Variants in PLEKHA6 observed in about 807,000 individuals in gnomAD.
The protein encoded by PLEKHA6 is pleckstrin homology domain containing A6, also known as pleckstrin homology domain-containing family A member 6.
Under a neutral mutation model 116.7 loss-of-function variants are expected in PLEKHA6, and 60 were observed. That is an observed-to-expected ratio of 0.51 (90% CI 0.42 to 0.64). PLEKHA6 has a LOEUF of 0.64. Ranked by LOEUF, PLEKHA6 falls within the 30% of genes least tolerant of loss-of-function variation. The pLI is 0.00. For synonymous variants in PLEKHA6, 489 were observed against 556.1 expected (o/e 0.88, Z 1.70); for missense variants, 1,338 against 1,422.7 (o/e 0.94, Z 0.96).
chr1:204,290,401 G>C (rs552329299), intron 1 of PLEKHA6, among the ~76,000 whole-genome samples: 7 of 152,304 alleles, frequency 4.6e-5, no homozygotes, highest in African/African-American at 1.7e-4. Flanking sequence ...ATTGGTTTTT[G>C]ACAAAGGTAT....
At chr1:204,350,149 G>A (rs66506103) in intron 1 of PLEKHA6, among the ~76,000 whole-genome samples, 18,371 of 152,092 alleles carry the variant, frequency 0.12, 2,721 homozygotes, top group African/African-American at 0.35. Context: ...TGGTGAAACC[G>A]TCTCTACCAA....
chr1:204,297,641 C>T (rs1345231751), intron 1 of PLEKHA6, among the ~76,000 whole-genome samples: 1 of 152,122 alleles, frequency 6.6e-6, no homozygotes, highest in Non-Finnish European at 1.5e-5. Flanking sequence ...GTTTCTACTT[C>T]ATAGGATTTA....
At chr1:204,375,657 C>T (rs1471811245) in intron 1 of PLEKHA6, among the ~76,000 whole-genome samples, 1 of 152,096 alleles carries the variant, frequency 6.6e-6, no homozygotes, top group African/African-American at 2.4e-5. Context: ...AGACAAGGCT[C>T]TAAACACAGA....
chr1:204,327,194 C>A (rs1427886282), intron 1 of PLEKHA6, among the ~76,000 whole-genome samples: 1 of 152,240 alleles, frequency 6.6e-6, no homozygotes, highest in African/African-American at 2.4e-5. Flanking sequence ...TACAGTATTT[C>A]ATTTTGTTCA....
At chr1:204,273,315 A>T (rs1050391622) in intron 3 of PLEKHA6, among the ~76,000 whole-genome samples, 1 of 152,224 alleles carries the variant, frequency 6.6e-6, no homozygotes, top group African/African-American at 2.4e-5. Flanking sequence ...TTTAGTGGGC[A>T]GAGGCCAGGG....
chr1:204,362,999 CCTT>C (rs1464194608), upstream of PLEKHA6, among the ~76,000 whole-genome samples: 1 of 152,218 alleles, frequency 6.6e-6, no homozygotes, highest in Non-Finnish European at 1.5e-5. Context: ...TCGGCCGCCT[CCTT>C]CTTTACTGTT....
chr1:204,257,631 C>T lies in PLEKHA6; in HGVS notation c.1246G>A (p.Gly416Arg), dbSNP rs776981802. Residue 416 changes from glycine to arginine, a missense_variant, in exon 9 of 23, where the codon GGG becomes AGG. By Grantham distance (125) the Gly-to-Arg change is moderately radical. Coordinates refer to ENST00000272203, the MANE Select transcript of PLEKHA6 (RefSeq NM_014935.5). The surrounding 1 kb of genome is among the most constrained non-coding windows in gnomAD (Gnocchi z 6.5). ...ATCCAGACGGTGGCATCCTGCCGCC[C>T]GTAGCTGGCGGGCTCCTTCCACTCT... ...LREWKEPASY[G>R]RQDATVWIPS... 43 of 1,609,260 alleles carry T rather than the reference C, an allele frequency of 2.7e-5. No homozygotes were observed. The highest frequency in any genetic ancestry group is 3.4e-5 in the Non-Finnish European group (40 of 1,178,184).
chr1:204,280,160 T>C, intron 1 of PLEKHA6: 2 of 266,018 alleles, frequency 7.5e-6, no homozygotes, highest in Non-Finnish European at 1.2e-5. Flanking sequence ...TGCACCTATT[T>C]AAAGCTTTCC....
chr1:204,306,033 G>A (rs1671267097), intron 1 of PLEKHA6, among the ~76,000 whole-genome samples: 1 of 152,108 alleles, frequency 6.6e-6, no homozygotes, highest in Non-Finnish European at 1.5e-5. Context: ...CTGCAGCTTT[G>A]GAATGTGTCA....
chr1:204,258,904 G>C (rs1439153523), intron 8 of PLEKHA6, among the ~76,000 whole-genome samples: 1 of 152,230 alleles, frequency 6.6e-6, no homozygotes, highest in Non-Finnish European at 1.5e-5. Context: ...TGTTGTAGGA[G>C]GGCCCATAGC....
intron 1 of PLEKHA6, among the ~76,000 whole-genome samples, chr1:204,372,270 G>A (rs1572238668): frequency 1.3e-5 from 2 of 152,098 alleles, no homozygotes; most frequent in South Asian, 2.1e-4. Context: ...ATCTGTCCCC[G>A]ACAAAACTCT....
At chr1:204,318,826 T>G (rs1377075388) in intron 1 of PLEKHA6, among the ~76,000 whole-genome samples, 1 of 152,240 alleles carries the variant, frequency 6.6e-6, no homozygotes, top group Non-Finnish European at 1.5e-5. Flanking sequence ...GGGTTGTTTC[T>G]GAGCACGTCT....
At chr1:204,287,123 A>G (rs1669276866) in intron 1 of PLEKHA6, among the ~76,000 whole-genome samples, 2 of 151,944 alleles carry the variant, frequency 1.3e-5, no homozygotes, top group South Asian at 4.2e-4. Flanking sequence ...TAGCATCACT[A>G]TGTCATCGAA....
At chr1:204,275,429 G>A (rs1667897564) in intron 1 of PLEKHA6, among the ~76,000 whole-genome samples, 1 of 152,224 alleles carries the variant, frequency 6.6e-6, no homozygotes, top group African/African-American at 2.4e-5. Context: ...ATGAAGGTCA[G>A]TGCTGGCTCA....
rs932308605 is a variant in PLEKHA6, at chr1:204,233,742, C to T, written c.2410-3156G>A. Among the ~76,000 whole-genome samples the T allele has an allele frequency of 4.6e-5, 7 of 152,196 alleles. No individual in the cohort carries two copies. In the South Asian group the frequency reaches 1.2e-3, roughly 27 times the overall value. On this transcript the variant is annotated intron_variant, in intron 17 of 22. Coordinates refer to ENST00000272203, the MANE Select transcript of PLEKHA6 (RefSeq NM_014935.5). ...GGGACTACAGGCGTGAACCACTGCA[C>T]CTGGCCAATTAATTTGTTTTCTAGT... is the stretch of plus-strand genomic sequence containing the variant.
In PLEKHA6 at chr1:204,228,793, G is replaced by C; in HGVS notation, c.2820C>G (p.Ser940Arg). ...TCTGCTTCTCCTTCAACTCCTCAGG[G>C]CTCAGGGGAGTGTCAGGCTCCAGGT... ...YIDLEPDTPLSPEELKEKQKK... is the reference protein window; with the variant it reads ...YIDLEPDTPLRPEELKEKQKK... Residue 940 changes from serine (S) to arginine (R), a missense_variant, in exon 20 of 23, where the codon AGC (serine) becomes AGG (arginine). Around this residue, in one of 3 missense-constraint regions of PLEKHA6, gnomAD observed 1,136 missense variants for 1,163.6 expected, o/e 0.98. Transcript: ENST00000272203. This position sits in a 1 kb window ranked among gnomAD's most constrained non-coding sequence, Gnocchi z 4.0. The C allele has an allele frequency of 6.2e-7, 1 of 1,613,802 alleles. No homozygotes were observed. Among genetic ancestry groups the C allele is most frequent in the South Asian group, 1.1e-5 (1 of 91,058 alleles).
chr1:204,267,488 G>A lies in PLEKHA6; in HGVS notation c.267C>T (p.Leu89=). The A allele has an allele frequency of 6.2e-7, 1 of 1,613,996 alleles. No homozygotes were observed. The highest frequency in any genetic ancestry group is 2.2e-5 in the East Asian group (1 of 44,860). Residue 89 remains leucine, a synonymous_variant, in exon 5 of 23, where the codon CTC becomes CTT. Transcript: ENST00000272203. ...GGCCAAGCTCACCTTTATAGTAGAAGAGGCAGCGATCCACCAGGACGAACC... is the reference window on the plus strand; with the variant it reads ...GGCCAAGCTCACCTTTATAGTAGAAAAGGCAGCGATCCACCAGGACGAACC... The part of the protein sequence containing the change: ...KRWFVLVDRC[L]FYYKDEKEES...
intron 1 of PLEKHA6, among the ~76,000 whole-genome samples, chr1:204,350,068 TC>T (rs995997617): frequency 6.6e-5 from 10 of 152,204 alleles, no homozygotes; most frequent in African/African-American, 2.4e-4. Context: ...ATGTCTGTAA[TC>T]CCAGCACTTT....
At chr1:204,294,195 C>T (rs888956140) in intron 1 of PLEKHA6, among the ~76,000 whole-genome samples, 2 of 152,100 alleles carry the variant, frequency 1.3e-5, no homozygotes, top group Admixed American at 6.5e-5. Context: ...CAGGAGGATA[C>T]GGAGGAAGTG....
Sources: gnomAD v4.1 joint callset for allele counts (sites outside exome capture counted in the v4.1 genomes callset) on GRCh38, gnomAD v4.1.1 for gene constraint, gnomAD v4.1.1 regional missense constraint, Gnocchi (gnomAD v3.1) non-coding constraint, MANE v1.5 for transcripts, NCBI Gene and HGNC (gene_info 2026-07-23, HGNC 2026-07-21) for gene names.